LSAMP: variants seen among roughly 807,000 people sequenced by gnomAD.
LSAMP encodes the protein limbic system-associated membrane protein.
Under a neutral mutation model 38.6 loss-of-function variants are expected in LSAMP, and 7 were observed. That is an observed-to-expected ratio of 0.18 (90% CI 0.10 to 0.34). The LOEUF is 0.34. Among genes scored for constraint, LSAMP ranks in the 10% least tolerant of loss-of-function variants. The pLI is 1.00. For missense variants in LSAMP, 313 were observed against 420.0 expected, an observed-to-expected ratio of 0.75 and a Z score of 2.23; for synonymous variants, 154 against 166.8, an observed-to-expected ratio of 0.92 and a Z score of 0.59.
Position 116,391,582 on chromosome 3 carries a change from G to T in LSAMP, c.155+53295C>A, listed in dbSNP as rs1486899286. Among the ~76,000 whole-genome samples the T allele has an allele frequency of 2.7e-5, 4 of 150,134 alleles. No homozygotes were observed. In the Admixed American group the frequency reaches 2.7e-4, roughly 10 times the overall value. ...GAGCAGTATGACTGGGCAGGAAGCA[G>T]GGCGCGGGGGTGGCAAGGAGGGGCC... On this transcript the variant is annotated intron_variant, in intron 1 of 6. Coordinates refer to ENST00000490035, the MANE Select transcript of LSAMP (RefSeq NM_002338.5).
At chr3:116,118,069 T>A (rs951356678) in intron 1 of LSAMP, among the ~76,000 whole-genome samples, 2 of 152,152 alleles carry the variant, frequency 1.3e-5, no homozygotes, top group African/African-American at 4.8e-5. Flanking sequence ...AGGCTGAGAT[T>A]GGGTGTGGGT....
At chr3:116,123,778 G>C (rs371122463) in intron 1 of LSAMP, among the ~76,000 whole-genome samples, 1 of 152,172 alleles carries the variant, frequency 6.6e-6, no homozygotes, top group Non-Finnish European at 1.5e-5. Context: ...TTGGAGTATA[G>C]GCTAAGTGCC....
intron 1 of LSAMP, among the ~76,000 whole-genome samples, chr3:116,306,703 G>T (rs2047489663): frequency 6.6e-6 from 1 of 151,912 alleles, no homozygotes; most frequent in African/African-American, 2.4e-5. Context: ...TAAAACAAAA[G>T]TCATAATACA....
intron 1 of LSAMP, among the ~76,000 whole-genome samples, chr3:116,380,664 A>G (rs1041652768): frequency 6.6e-6 from 1 of 152,062 alleles, no homozygotes; most frequent in African/African-American, 2.4e-5. Flanking sequence ...ACACTATATA[A>G]AGAGCTCTAT....
At chr3:115,964,346 T>A (rs1039832946) in intron 3 of LSAMP, among the ~76,000 whole-genome samples, 1 of 152,106 alleles carries the variant, frequency 6.6e-6, no homozygotes. Flanking sequence ...AGAAAATGAG[T>A]TATGGTACAG....
At chr3:116,001,698 C>T (rs570051979) in intron 3 of LSAMP, among the ~76,000 whole-genome samples, 1 of 152,302 alleles carries the variant, frequency 6.6e-6, no homozygotes, top group African/African-American at 2.4e-5. Flanking sequence ...TCCATCTTCA[C>T]ACCAGCAGTG....
intron 1 of LSAMP, among the ~76,000 whole-genome samples, chr3:116,304,312 A>G (rs568814453): frequency 1.3e-5 from 2 of 152,290 alleles, no homozygotes; most frequent in African/African-American, 4.8e-5. Context: ...ATGTAAAGAT[A>G]TTGGGCTTGG....
intron 1 of LSAMP, among the ~76,000 whole-genome samples, chr3:116,326,716 T>C (rs552512646): frequency 3.3e-5 from 5 of 152,294 alleles, no homozygotes; most frequent in Admixed American, 2.0e-4. Flanking sequence ...CACAGGCTGA[T>C]GTGAGAAAAA....
At chr3:116,204,441 A>G (rs2046036677) in intron 1 of LSAMP, among the ~76,000 whole-genome samples, 1 of 152,030 alleles carries the variant, frequency 6.6e-6, no homozygotes, top group South Asian at 2.1e-4. Context: ...TTTTATTGCC[A>G]TTGCTTTTGG....
In LSAMP at chr3:116,445,014, C is replaced by A. The variant is rs772163789; in HGVS notation, c.18G>T (p.Gln6His). The A allele has an allele frequency of 6.2e-7, 1 of 1,613,502 alleles. No homozygotes were observed. Among genetic ancestry groups the A allele is most frequent in the Non-Finnish European group, 8.5e-7 (1 of 1,179,740 alleles). ...CCAGTGGCAACTGTTTCCGATCCGG[C>A]TGAACTCTCCTGACCATGGTGGCCA... MVRRV[Q>H]PDRKQLPLVL... is the part of the protein sequence containing the mutation. The change falls in exon 1 of 7, where the codon CAG becomes CAT. Residue 6 changes from glutamine (Q) to histidine (H), a missense_variant. Physicochemically the swap from Gln to His is conservative, Grantham distance 24. Transcript: ENST00000490035.
intron 2 of LSAMP, among the ~76,000 whole-genome samples, chr3:116,027,098 A>G (rs1319545224): frequency 6.6e-6 from 1 of 152,164 alleles, no homozygotes; most frequent in Non-Finnish European, 1.5e-5. Flanking sequence ...AAGAAAAATT[A>G]TTTGTTGTTT....
chr3:116,412,750 C>A (rs879793570), intron 1 of LSAMP, among the ~76,000 whole-genome samples: 1 of 151,902 alleles, frequency 6.6e-6, no homozygotes, highest in Non-Finnish European at 1.5e-5. Flanking sequence ...ACTTTCTGAA[C>A]CTTTCAAAAA....
chr3:116,006,822 C>A (rs1222437099), intron 3 of LSAMP, among the ~76,000 whole-genome samples: 1 of 152,152 alleles, frequency 6.6e-6, no homozygotes, highest in Non-Finnish European at 1.5e-5. Flanking sequence ...CAATTTGAAG[C>A]AATTTTCCTA....
rs769722131 is a variant in LSAMP, at chr3:116,444,810, AAACAC to A, written c.155+62_155+66del. ...CAGACACACACACACACACACACAC[AAACAC>A]ACACACACACACACACACACGTGTA... On this transcript the variant is annotated intron_variant, in intron 1 of 6. Transcript: ENST00000490035. 3,778 of 983,588 alleles carry A rather than the reference AAACAC, an allele frequency of 3.8e-3. 8 individuals carry two copies. The South Asian group carries it at 0.042, about 11-fold the overall frequency. The allele number at this position is 983,588 out of a possible 1,614,324, so 60.9% of individuals were successfully genotyped here.
At position 116,209,554 on chromosome 3, in the gene LSAMP, T is replaced by C. The variant is rs148288426; in HGVS notation, c.156-122998A>G. Among the ~76,000 whole-genome samples the C allele has an allele frequency of 2.2e-3, 331 of 152,284 alleles. 2 individuals carry two copies. The highest frequency in any genetic ancestry group is 7.6e-3 in the African/African-American group (314 of 41,550). On this transcript the variant is annotated intron_variant, in intron 1 of 6. Coordinates refer to ENST00000490035, the MANE Select transcript of LSAMP (RefSeq NM_002338.5). ...CAGTAAGGTTCAAATTGATATGTTT[T>C]GTGTACACTGTGGTTTCAGTATGTG... is the stretch of plus-strand genomic sequence containing the variant.
chr3:116,168,648 T>G, intron 1 of LSAMP, among the ~76,000 whole-genome samples: 1 of 152,320 alleles, frequency 6.6e-6, no homozygotes, highest in East Asian at 1.9e-4. Context: ...AATAGGTGTT[T>G]GCTCCCATGG....
At chr3:116,031,806 G>A (rs1051412078) in intron 2 of LSAMP, among the ~76,000 whole-genome samples, 8 of 151,704 alleles carry the variant, frequency 5.3e-5, no homozygotes, top group Non-Finnish European at 8.8e-5. Context: ...CCTGCTCAAA[G>A]CTTACCATGA....
At chr3:115,841,573 A>G (rs1269888786) in intron 6 of LSAMP, 1 of 302,372 alleles carries the variant, frequency 3.3e-6, no homozygotes, top group Non-Finnish European at 6.1e-6. Context: ...ATATTATTTC[A>G]TTTAACTAAC....
intron 1 of LSAMP, among the ~76,000 whole-genome samples, chr3:116,333,841 T>TA (rs1198238280): frequency 6.6e-6 from 1 of 151,064 alleles, no homozygotes; most frequent in East Asian, 1.9e-4. Flanking sequence ...ATTTTGAAAT[T>TA]AAAAAAAGAC....
Sources: allele counts gnomAD v4.1 joint callset (sites outside exome capture counted in the v4.1 genomes callset), GRCh38; gene constraint gnomAD v4.1.1; transcripts MANE v1.5; gene names NCBI Gene and HGNC (gene_info 2026-07-23, HGNC 2026-07-21).